Variants in NDC80 observed in about 807,000 individuals in gnomAD.
NDC80 encodes NDC80 kinetochore complex component.
Under a neutral mutation model 89.3 loss-of-function variants are expected in NDC80, and 69 were observed. The observed-to-expected ratio is 0.77, with a 90% confidence interval of 0.64 to 0.94. The LOEUF (loss-of-function observed/expected upper bound fraction) is 0.94. Among genes scored for constraint, NDC80 ranks in the 40% least tolerant of loss-of-function variants. NDC80 has a pLI of 0.00. For synonymous variants in NDC80, 243 were observed against 255.6 expected, an observed-to-expected ratio of 0.95 and a Z score of 0.47; for missense variants, 593 against 739.6, an observed-to-expected ratio of 0.80 and a Z score of 2.30.
intron 8 of NDC80, 41 bp from the exon 9 acceptor site, chr18:2,589,163 C>A (rs201887282): frequency 2.3e-6 from 3 of 1,279,520 alleles, no homozygotes; most frequent in East Asian, 2.3e-5. Flanking sequence ...ATGTTCTAGG[C>A]GGATTTGAGG....
At chr18:2,580,320 A>T (rs2072570016) in intron 6 of NDC80, among the ~76,000 whole-genome samples, 1 of 150,978 alleles carries the variant, frequency 6.6e-6, no homozygotes, top group Admixed American at 6.6e-5. Context: ...GGTGCAAGCA[A>T]TTTTTTTCTC....
At chr18:2,610,683 A>T in intron 15 of NDC80, 76 bp from the exon 16 acceptor site, 1 of 876,028 alleles carries the variant, frequency 1.1e-6, no homozygotes. Flanking sequence ...GAATGTGGAA[A>T]TGGGAAGTGA....
At chr18:2,573,723 G>C (rs537535626) in intron 2 of NDC80, among the ~76,000 whole-genome samples, 1 of 152,150 alleles carries the variant, frequency 6.6e-6, no homozygotes, top group Non-Finnish European at 1.5e-5. Flanking sequence ...TACATAGTAT[G>C]AGCCTATGTT....
At chr18:2,593,768 T>G (rs1198776508) in intron 10 of NDC80, 2 of 237,958 alleles carry the variant, frequency 8.4e-6, no homozygotes, top group Non-Finnish European at 1.7e-5. Flanking sequence ...AAGATGATTT[T>G]CCTGTGGATT....
intron 5 of NDC80, among the ~76,000 whole-genome samples, chr18:2,578,563 G>A (rs1374275116): frequency 6.6e-6 from 1 of 152,134 alleles, no homozygotes; most frequent in African/African-American, 2.4e-5. Flanking sequence ...CAGGATTCAC[G>A]CCTGGTGAAA....
intron 11 of NDC80, among the ~76,000 whole-genome samples, chr18:2,598,303 CTAATAT>C (rs549989646): frequency 6.6e-5 from 10 of 152,296 alleles, no homozygotes; most frequent in African/African-American, 2.2e-4. Flanking sequence ...TTTATTCAAT[CTAATAT>C]TAAGTATCTA....
intron 6 of NDC80, among the ~76,000 whole-genome samples, chr18:2,583,936 T>C (rs1184231275): frequency 6.6e-6 from 1 of 152,152 alleles, no homozygotes; most frequent in Non-Finnish European, 1.5e-5. Flanking sequence ...CGCATAGTCC[T>C]TTTCTTAGAA....
At position 2,608,789 on chromosome 18, in the gene NDC80, G is replaced by T. The variant is rs368370939; in HGVS notation, c.1647G>T (p.Gly549=). 1 of 1,612,664 alleles carries T rather than the reference G, an allele frequency of 6.2e-7. No individual in the cohort carries two copies. Among genetic ancestry groups the T allele is most frequent in the East Asian group, 2.2e-5 (1 of 44,846 alleles). Residue 549 remains glycine (G), a synonymous_variant, in exon 15 of 17, where the codon GGG becomes GGT. Coordinates refer to ENST00000261597, the MANE Select transcript of NDC80 (RefSeq NM_006101.3). ...KHLLESTVNQ[G]LSEAMNELDA... Reference sequence around the variant, plus strand: ...TGCTAGAAAGTACTGTTAACCAGGGGCTCAGTGAAGCTATGAATGAATTAG... The same window carrying T: ...TGCTAGAAAGTACTGTTAACCAGGGTCTCAGTGAAGCTATGAATGAATTAG...
At chr18:2,612,381 C>G (rs1598247663) in intron 16 of NDC80, among the ~76,000 whole-genome samples, 1 of 140,062 alleles carries the variant, frequency 7.1e-6, no homozygotes, top group South Asian at 2.4e-4. Context: ...ACTCGCCTCC[C>G]AGGTTCAAGG....
At chr18:2,575,792 G>A (rs1175427698) in intron 3 of NDC80, among the ~76,000 whole-genome samples, 1 of 152,146 alleles carries the variant, frequency 6.6e-6, no homozygotes, top group Non-Finnish European at 1.5e-5. Context: ...GGGGGCAGTG[G>A]CACATGCCTG....
intron 10 of NDC80, among the ~76,000 whole-genome samples, chr18:2,591,026 C>T (rs894249897): frequency 6.6e-6 from 1 of 151,880 alleles, no homozygotes; most frequent in Non-Finnish European, 1.5e-5. Flanking sequence ...TAGGTGGGCT[C>T]CACCATGCTT....
At chr18:2,581,142 T>C (rs530828299) in intron 6 of NDC80, among the ~76,000 whole-genome samples, 47 of 152,274 alleles carry the variant, frequency 3.1e-4, no homozygotes, top group African/African-American at 1.1e-3. Flanking sequence ...TTTCTAATTT[T>C]CTTTCTTACT....
chr18:2,579,066 A>G, intron 6 of NDC80, 37 bp downstream of exon 6: 1 of 1,309,508 alleles, frequency 7.6e-7, no homozygotes, highest in South Asian at 1.6e-5. Context: ...ATACATGGGA[A>G]AGGGTTTTTT....
At chr18:2,600,200 A>C (rs1384065723) in intron 12 of NDC80, among the ~76,000 whole-genome samples, 2 of 152,264 alleles carry the variant, frequency 1.3e-5, no homozygotes, top group Non-Finnish European at 2.9e-5. Context: ...AATATGCTCG[A>C]GGAGAAATTT....
chr18:2,607,989 ATATATATAT>A (rs1568011722), intron 14 of NDC80, among the ~76,000 whole-genome samples: 2 of 131,028 alleles, frequency 1.5e-5, no homozygotes, highest in African/African-American at 5.5e-5. Flanking sequence ...ATATATATAT[ATATATATAT>A]AACTTATTTA....
At chr18:2,598,987 T>G (rs1195918048) in intron 11 of NDC80, 32 bp from the exon 12 acceptor site, 1 of 1,509,188 alleles carries the variant, frequency 6.6e-7, no homozygotes, top group Non-Finnish European at 8.9e-7. Context: ...ATGGGGCTGC[T>G]TTAACATGTC....
rs754583866 is a variant in NDC80, at chr18:2,595,452, G to A, written c.1052G>A (p.Arg351Gln). Residue 351 changes from arginine (R) to glutamine (Q), a missense_variant, in exon 11 of 17, where the codon CGA becomes CAA. Physicochemically the swap from Arg to Gln is conservative, Grantham distance 43. Coordinates refer to ENST00000261597, the MANE Select transcript of NDC80 (RefSeq NM_006101.3). ...GAAACAATAAAACAGGAGAACACTC[G>A]ACTACAGAATATCATTGACAACCAG... ...ECETIKQENT[R>Q]LQNIIDNQKY... is the part of the protein sequence containing the mutation. The A allele has an allele frequency of 1.1e-5, 17 of 1,613,490 alleles. No individual in the cohort carries two copies. Among genetic ancestry groups the A allele is most frequent in the South Asian group, 6.6e-5 (6 of 91,010 alleles).
intron 1 of NDC80, 88 bp from the exon 2 acceptor site, chr18:2,572,889 A>G: frequency 4.4e-6 from 4 of 901,582 alleles, no homozygotes; most frequent in Non-Finnish European, 6.7e-6. Flanking sequence ...ATGAAACCTG[A>G]CTGTCTTTCT....
At position 2,595,494 on chromosome 18, in the gene NDC80, A is replaced by G. The variant is rs899133906; in HGVS notation, c.1094A>G (p.Asp365Gly). 21 of 1,613,762 alleles carry G rather than the reference A, an allele frequency of 1.3e-5. No homozygotes were observed. Among genetic ancestry groups the G allele is most frequent in the Non-Finnish European group, 1.7e-5 (20 of 1,179,790 alleles). ...IIDNQKYSVA[D>G]IERINHERNE... ...GACAACCAGAAGTACTCAGTTGCAG[A>G]CATTGAGCGAATAAATCATGAAAGA... Residue 365 changes from aspartate (D) to glycine (G), a missense_variant, in exon 11 of 17, where the codon GAC becomes GGC. Coordinates refer to ENST00000261597, the MANE Select transcript of NDC80 (RefSeq NM_006101.3).
Sources: allele counts gnomAD v4.1 joint callset (sites outside exome capture counted in the v4.1 genomes callset), GRCh38; gene constraint gnomAD v4.1.1; transcripts MANE v1.5; gene names NCBI Gene and HGNC (gene_info 2026-07-23, HGNC 2026-07-21).